CARNS1: variants seen among roughly 807,000 people sequenced by gnomAD.
The protein encoded by CARNS1 is ATP-grasp domain containing 1.
A neutral mutation model predicts 74.0 loss-of-function variants in CARNS1; 61 were observed. That is an observed-to-expected ratio of 0.82 (90% CI 0.67 to 1.02). CARNS1 has a LOEUF of 1.02. Ranked by LOEUF, CARNS1 falls within the 50% of genes least tolerant of loss-of-function variation. The pLI is 0.00. For synonymous variants in CARNS1, 568 were observed against 605.5 expected (o/e 0.94, Z 0.91); for missense variants, 1,278 against 1,308.4 (o/e 0.98, Z 0.36).
Position 67,418,438 on chromosome 11 carries a change from TG to T in CARNS1, c.286del (p.Ala96ArgfsTer3). On this transcript the variant is annotated frameshift_variant, in exon 4 of 10. Coordinates refer to ENST00000687366, the MANE Select transcript of CARNS1 (RefSeq NM_001166222.2). LOFTEE classifies it high-confidence loss of function. ...RGQVPRTGCP[G>X]AEVTLCVLGS... ...CATGTTCTCTTTCCCGAGGCTGTCC[TG>T]GGGCGGAGGTGACCTTGTGCGTTCT... The T allele has an allele frequency of 6.9e-7, 1 of 1,454,584 alleles. No homozygotes were observed. The highest frequency in any genetic ancestry group is 1.4e-5 in the South Asian group (1 of 72,796). 90.1% of individuals were successfully genotyped at this position (1,454,584 alleles called of 1,614,324 possible).
chr11:67,423,786 G>T lies in CARNS1; in HGVS notation c.2038G>T (p.Ala680Ser). 1 of 1,600,830 alleles carries T rather than the reference G, an allele frequency of 6.2e-7. No homozygotes were observed. The highest frequency in any genetic ancestry group is 1.1e-5 in the South Asian group (1 of 90,294). The change falls in exon 10 of 10, where the codon GCA (alanine) becomes TCA (serine). Residue 680 changes from alanine (A) to serine (S), a missense_variant. Physicochemically the swap from Ala to Ser is moderately conservative, Grantham distance 99 (BLOSUM62 1). Around this residue, in one of 3 missense-constraint regions of CARNS1, gnomAD observed 1,164 missense variants for 1,156.5 expected, o/e 1.01. Coordinates refer to ENST00000687366, the MANE Select transcript of CARNS1 (RefSeq NM_001166222.2). This position sits in a 1 kb window ranked among gnomAD's most constrained non-coding sequence, Gnocchi z 5.1. ...LPGVMKLEFG[A>S]GAVGVRLVED... Reference sequence around the variant, plus strand: ...AGGTGTCATGAAGCTGGAGTTCGGGGCAGGTGCAGTGGGTGTCCGGCTGGT... The same window carrying T: ...AGGTGTCATGAAGCTGGAGTTCGGGTCAGGTGCAGTGGGTGTCCGGCTGGT...
rs1863766048 is a variant in CARNS1 at position 67,423,866 on chromosome 11, G to A, written c.2118G>A (p.Gln706=). The change falls in exon 10 of 10, where the codon CAG becomes CAA. Residue 706 remains glutamine (Q), a synonymous_variant. Transcript: ENST00000687366. The surrounding 1 kb of genome is among the most constrained non-coding windows in gnomAD (Gnocchi z 5.1). ...TTTCCCGGATTACCCGAGACTTGCA[G>A]GGCGAGGCCGACCACCCAGGCATTG... ...EHFSRITRDL[Q]GEADHPGIGL... The A allele has an allele frequency of 6.2e-7, 1 of 1,613,194 alleles. No homozygotes were observed. The highest frequency in any genetic ancestry group is 1.7e-5 in the Admixed American group (1 of 60,028).
At position 67,424,704 on chromosome 11, in the gene CARNS1, C is replaced by A; in HGVS notation, c.*103C>A. 1 of 1,307,748 alleles carries A rather than the reference C, an allele frequency of 7.6e-7. No individual in the cohort carries two copies. Among genetic ancestry groups the A allele is most frequent in the Non-Finnish European group, 1.0e-6 (1 of 974,266 alleles). The allele number at this position is 1,307,748 out of a possible 1,614,324, so 81.0% of individuals were successfully genotyped here. ...TTCTCTCCCCATCACCATGCCCCAG[C>A]CCCAGCCTGGCCCGCTGCAATGCCT... On this transcript the variant is annotated 3_prime_UTR_variant, in exon 10 of 10. Coordinates refer to ENST00000687366, the MANE Select transcript of CARNS1 (RefSeq NM_001166222.2).
Position 67,421,073 on chromosome 11 carries a change from G to T in CARNS1, c.1480G>T (p.Asp494Tyr). 1 of 1,369,082 alleles carries T rather than the reference G, an allele frequency of 7.3e-7. No individual in the cohort carries two copies. The highest frequency in any genetic ancestry group is 9.3e-7 in the Non-Finnish European group (1 of 1,071,738). 84.8% of individuals were successfully genotyped at this position (1,369,082 alleles called of 1,614,324 possible). A position where few individuals can be genotyped will look rare whatever the true frequency, so the allele number is the denominator to read the frequency against. The change falls in exon 9 of 10, where the codon GAC (aspartate) becomes TAC (tyrosine). Residue 494 changes from aspartate to tyrosine, a missense_variant. This residue lies in a region of CARNS1 where 1,164 missense variants were observed against 1,156.5 expected (regional missense o/e 1.01). Transcript: ENST00000687366. ...CGCGCCGCGGCTGGGGCCGGCGGCC[G>T]ACGAGGCGGTGGCGGCGCCGCTGGT... ...WAAPRLGPAA[D>Y]EAVAAPLVET...
intron 4 of CARNS1, 113 bp from the exon 5 acceptor site, chr11:67,418,643 C>G: frequency 3.5e-6 from 5 of 1,438,660 alleles, no homozygotes; most frequent in Non-Finnish European, 4.6e-6. Context: ...GAGCAGCTGC[C>G]ATGCTGAATG....
chr11:67,424,626 C>G lies in CARNS1; in HGVS notation c.*25C>G, dbSNP rs569112134. 7 of 1,583,016 alleles carry G rather than the reference C, an allele frequency of 4.4e-6. No homozygotes were observed. The South Asian group carries it at 8.1e-5, about 18-fold the overall frequency. Reference sequence around the variant, plus strand: ...GCACTGGGGTCAGGGGGCAGGGAAGCAGTGCTGGGTGGAGGCACTGTGGTG... The same window carrying G: ...GCACTGGGGTCAGGGGGCAGGGAAGGAGTGCTGGGTGGAGGCACTGTGGTG... On this transcript the variant is annotated 3_prime_UTR_variant, in exon 10 of 10. Transcript: ENST00000687366.
chr11:67,421,636 G>A (rs1435120950), intron 9 of CARNS1, among the ~76,000 whole-genome samples: 5 of 152,300 alleles, frequency 3.3e-5, no homozygotes, highest in South Asian at 4.1e-4. Flanking sequence ...GACCCGCAGA[G>A]GGTGCTGGGG....
At position 67,420,703 on chromosome 11, in the gene CARNS1, G is replaced by A; in HGVS notation, c.1208G>A (p.Gly403Asp). 7.9e-7 allele frequency: 1 copy of A among 1,266,400 alleles called. No homozygotes were observed. Among genetic ancestry groups the A allele is most frequent in the Non-Finnish European group, 9.9e-7 (1 of 1,008,894 alleles). 78.4% of individuals were successfully genotyped at this position (1,266,400 alleles called of 1,614,324 possible). Residue 403 changes from glycine to aspartate, a missense_variant, in exon 8 of 10, where the codon GGC (glycine) becomes GAC (aspartate). Transcript: ENST00000687366. ...GTGGCGCTGGCCCAGTGCGGCCTGGGCGAGGAGGCGCAGGTGGCGGCTGTG... is the reference window on the plus strand; with the variant it reads ...GTGGCGCTGGCCCAGTGCGGCCTGGACGAGGAGGCGCAGGTGGCGGCTGTG... ...LEVALAQCGL[G>D]EEAQVAAVRQ...
Position 67,418,918 on chromosome 11 carries a change from T to C in CARNS1, c.527T>C (p.Leu176Ser). 1 of 1,588,618 alleles carries C rather than the reference T, an allele frequency of 6.3e-7. No individual in the cohort carries two copies. The highest frequency in any genetic ancestry group is 1.8e-5 in the Admixed American group (1 of 56,794). ...FVPPRRATYF[L>S]AGLGLGPGRG... The stretch of plus-strand genomic sequence containing the variant: ...CCCCCGCGCCGTGCCACCTACTTTT[T>C]GGCAGGCCTGGGCCTGGGGCCTGGC... The change falls in exon 5 of 10, where the codon TTG becomes TCG. Residue 176 changes from leucine (L) to serine (S), a missense_variant. Physicochemically the swap from Leu to Ser is moderately radical, Grantham distance 145. Coordinates refer to ENST00000687366, the MANE Select transcript of CARNS1 (RefSeq NM_001166222.2).
In CARNS1 at chr11:67,419,818, G is replaced by GAT. The variant is rs778559200; in HGVS notation, c.1095_1096dup (p.Arg366IlefsTer5). 28 of 1,592,284 alleles carry GAT rather than the reference G, an allele frequency of 1.8e-5. No homozygotes were observed. Among genetic ancestry groups the GAT allele is most frequent in the Non-Finnish European group, 2.3e-5 (27 of 1,170,100 alleles). On this transcript the variant is annotated frameshift_variant, in exon 7 of 10. Transcript: ENST00000687366. LOFTEE classifies it high-confidence loss of function. ...TGCTGTGGTGTGTCGGACACAGGGT[G>GAT]ATAGGCCACTGCTGAGCAAGGTGAG...
At position 67,418,487 on chromosome 11, in the gene CARNS1, C is replaced by A; in HGVS notation, c.331C>A (p.Pro111Thr). 1.3e-6 allele frequency: 2 copies of A among 1,509,376 alleles called. No homozygotes were observed. Among genetic ancestry groups the A allele is most frequent in the Non-Finnish European group, 1.8e-6 (2 of 1,133,730 alleles). 93.5% of individuals were successfully genotyped at this position (1,509,376 alleles called of 1,614,324 possible). A position where few individuals can be genotyped will look rare whatever the true frequency, so the allele number is the denominator to read the frequency against. ...TCTGGGCTCCCCCAGCACCTTTCTG[C>A]CTGTGCTGCTGGAGGGTGGGGTCCA... ...CVLGSPSTFL[P>T]VLLEGGVQSP... The change falls in exon 4 of 10, where the codon CCT (proline) becomes ACT (threonine). Residue 111 changes from proline (P) to threonine (T), a missense_variant. Physicochemically the swap from Pro to Thr is conservative, Grantham distance 38. This residue lies in a region of CARNS1 where 1,164 missense variants were observed against 1,156.5 expected (regional missense o/e 1.01). Transcript: ENST00000687366.
chr11:67,417,479 T>C lies in CARNS1; in HGVS notation c.76T>C (p.Trp26Arg), dbSNP rs191139577. The C allele has an allele frequency of 2.8e-6, 4 of 1,451,754 alleles. No individual in the cohort carries two copies. Among genetic ancestry groups the C allele is most frequent in the Non-Finnish European group, 3.6e-6 (4 of 1,105,014 alleles). 89.9% of individuals were successfully genotyped at this position (1,451,754 alleles called of 1,614,324 possible). Residue 26 changes from tryptophan (W) to arginine (R), a missense_variant, in exon 3 of 10, where the codon TGG becomes CGG. By Grantham distance (101) the Trp-to-Arg change is moderately radical. Coordinates refer to ENST00000687366, the MANE Select transcript of CARNS1 (RefSeq NM_001166222.2). ...CAAGGACCTGGAGGAAGAGGGCCCC[T>C]GGGGAGGGGGCTCTGGCCTGCCGCC... Reference protein sequence around the residue: ...GSKDLEEEGPWGGGSGLPPTG... With the variant: ...GSKDLEEEGPRGGGSGLPPTG...
intron 7 of CARNS1, 59 bp from the exon 8 acceptor site, chr11:67,420,550 G>A (rs988079359): frequency 7.6e-5 from 83 of 1,092,756 alleles, no homozygotes; most frequent in Non-Finnish European, 9.6e-5. Context: ...CAAGGCGGTG[G>A]GGGTGTGCGT....
chr11:67,416,033 G>A lies in CARNS1; in HGVS notation c.-24-143G>A, dbSNP rs1863537436. The A allele has an allele frequency of 3.3e-4, 216 of 661,114 alleles. 1 individual carries two copies. The South Asian group carries it at 3.5e-3, about 11-fold the overall frequency. 41.0% of individuals were successfully genotyped at this position (661,114 alleles called of 1,614,324 possible). On this transcript the variant is annotated intron_variant, in intron 1 of 9. Transcript: ENST00000687366. ...AGAAATCCCTCCCTACCTTCGGGGTGGGGGTGGGGCTGCCTTGGCCTCTCT... is the reference window on the plus strand; with the variant it reads ...AGAAATCCCTCCCTACCTTCGGGGTAGGGGTGGGGCTGCCTTGGCCTCTCT...
chr11:67,416,052 C>A, intron 1 of CARNS1, 124 bp from the exon 2 acceptor site: 1 of 697,276 alleles, frequency 1.4e-6, no homozygotes, highest in Non-Finnish European at 2.6e-6. Context: ...GCTGCCTTGG[C>A]CTCTCTCTGC....
intron 9 of CARNS1, among the ~76,000 whole-genome samples, chr11:67,422,141 G>C (rs796341560): frequency 9.1e-4 from 132 of 145,400 alleles, no homozygotes; most frequent in African/African-American, 3.1e-3. Context: ...CAAAGTGCTG[G>C]GATTACAGGC....
At chr11:67,418,403 T>G in intron 3 of CARNS1, 28 bp from the exon 4 acceptor site, 24 of 1,422,760 alleles carry the variant, frequency 1.7e-5, no homozygotes, top group Non-Finnish European at 2.0e-5. Flanking sequence ...GCGCCCCTGG[T>G]GAGCTGGGCC....
chr11:67,424,861 C>CCACA lies in CARNS1; in HGVS notation c.*288_*291dup, dbSNP rs59798232. On this transcript the variant is annotated 3_prime_UTR_variant, in exon 10 of 10. Transcript: ENST00000687366. ...TCTAGCCTTGGAGAAATGACAATGGCCACACACACACACACACACACACAC... is the reference window on the plus strand; with the variant it reads ...TCTAGCCTTGGAGAAATGACAATGGCCACACACACACACACACACACACACACAC... 0.055 allele frequency: 27,833 copies of CCACA among 507,506 alleles called. 357 individuals carry two copies. Among genetic ancestry groups the CCACA allele is most frequent in the Non-Finnish European group, 0.059 (16,329 of 275,634 alleles). The allele number at this position is 507,506 out of a possible 1,614,324, so 31.4% of individuals were successfully genotyped here.
intron 9 of CARNS1, among the ~76,000 whole-genome samples, chr11:67,422,220 G>C (rs938386948): frequency 1.5e-4 from 17 of 112,836 alleles, no homozygotes; most frequent in Middle Eastern, 9.3e-3. Context: ...GTCTCTCTCT[G>C]TCTCCCAGGC....
Sources: gnomAD v4.1 joint callset for allele counts (sites outside exome capture counted in the v4.1 genomes callset) on GRCh38, gnomAD v4.1.1 for gene constraint, gnomAD v4.1.1 regional missense constraint, Gnocchi (gnomAD v3.1) non-coding constraint, MANE v1.5 for transcripts, NCBI Gene and HGNC (gene_info 2026-07-23, HGNC 2026-07-21) for gene names.